The following TTC21B variants were observed in gnomAD, a reference collection of about 807,000 sequenced individuals.
The protein encoded by TTC21B is tetratricopeptide repeat domain 21B.
TTC21B carries 127 observed loss-of-function variants against 175.1 expected under a neutral mutation model. The ratio of observed to expected loss-of-function variants is 0.73; its 90% confidence interval spans 0.63 to 0.84. The LOEUF (loss-of-function observed/expected upper bound fraction) is 0.84, where lower values mean the gene tolerates loss of function less well. Ranked by LOEUF, TTC21B falls within the 40% of genes least tolerant of loss-of-function variation. The probability of loss-of-function intolerance (pLI) is 0.00; values close to 1 mark genes in which losing one functional copy is unlikely to be tolerated. For synonymous variants in TTC21B, 524 were observed against 524.5 expected (o/e 1.00, Z 0.01); for missense variants, 1,561 against 1,558.3 (o/e 1.00, Z -0.03).
intron 25 of TTC21B, among the ~76,000 whole-genome samples, chr2:165,884,254 AG>A (rs1387196668): frequency 6.6e-6 from 1 of 152,242 alleles, no homozygotes; most frequent in East Asian, 1.9e-4. Flanking sequence ...ACAACTATTC[AG>A]ATGCCATATG....
chr2:165,882,063 C>T (rs1438399051), intron 26 of TTC21B, among the ~76,000 whole-genome samples: 1 of 152,134 alleles, frequency 6.6e-6, no homozygotes, highest in Non-Finnish European at 1.5e-5. Context: ...ATCTTGATTA[C>T]TAAGTGTTTC....
Position 165,929,116 on chromosome 2 carries a change from A to C in TTC21B, c.1386+19T>G. ...ATCAAGTAAACGCATCCTTGAAAGT[A>C]AGTCCCATAATTACTTACCTGCATT... On this transcript the variant is annotated intron_variant, in intron 11 of 28. Coordinates refer to ENST00000243344, the MANE Select transcript of TTC21B (RefSeq NM_024753.5). 6.2e-7 allele frequency: 1 copy of C among 1,607,912 alleles called. No individual in the cohort carries two copies. Among genetic ancestry groups the C allele is most frequent in the Non-Finnish European group, 8.5e-7 (1 of 1,174,924 alleles).
At chr2:165,952,571 C>T (rs910930746) in intron 1 of TTC21B, among the ~76,000 whole-genome samples, 1 of 152,050 alleles carries the variant, frequency 6.6e-6, no homozygotes, top group Non-Finnish European at 1.5e-5. Context: ...AATGAGGAGG[C>T]CCATTTTTAC....
chr2:165,953,616 C>G, intron 1 of TTC21B, 69 bp downstream of exon 1: 10 of 1,528,904 alleles, frequency 6.5e-6, no homozygotes, highest in Non-Finnish European at 8.7e-6. Context: ...TCCGCGCCCC[C>G]GGGCCAAAAG....
At position 165,874,599 on chromosome 2, in the gene TTC21B, G is replaced by A; in HGVS notation, c.*156C>T. ...CATTAGGAAACACCAATTTCACATA[G>A]TACTTCTCTTGATGTACAGCAGCAA... is the stretch of plus-strand genomic sequence containing the variant. On this transcript the variant is annotated 3_prime_UTR_variant, in exon 29 of 29. Coordinates refer to ENST00000243344, the MANE Select transcript of TTC21B (RefSeq NM_024753.5). 1.5e-6 allele frequency: 1 copy of A among 663,184 alleles called. No individual in the cohort carries two copies. The highest frequency in any genetic ancestry group is 1.7e-5 in the South Asian group (1 of 57,558). 41.1% of individuals were successfully genotyped at this position (663,184 alleles called of 1,614,324 possible).
chr2:165,908,222 T>C lies in TTC21B; in HGVS notation c.2462-438A>G, dbSNP rs574235975. Among the ~76,000 whole-genome samples, 5 of 152,318 alleles carry C rather than the reference T, an allele frequency of 3.3e-5. No homozygotes were observed. The South Asian group carries it at 1.0e-3, about 32-fold the overall frequency. On this transcript the variant is annotated intron_variant, in intron 18 of 28. Transcript: ENST00000243344. ...GTTGTTAAGAGCACTGACTTTGATG[T>C]TGAATGGTCTGGTTTCAAATCTAGG...
intron 12 of TTC21B, among the ~76,000 whole-genome samples, chr2:165,920,584 A>C (rs1019428808): frequency 6.6e-6 from 1 of 152,120 alleles, no homozygotes; most frequent in Non-Finnish European, 1.5e-5. Context: ...AGAAGGACTA[A>C]GGCGATAATT....
chr2:165,915,351 A>G lies in TTC21B; in HGVS notation c.1988T>C (p.Leu663Pro), dbSNP rs779742779. ...EVRVTIANAD[L>P]ALAQGDIERA... ...TTCAATATCTCCTTGGGCTAGAGCA[A>G]GGTCTGCATTAGCAATGGTAACCCG... Residue 663 changes from leucine to proline, a missense_variant, in exon 15 of 29, where the codon CTT becomes CCT. Transcript: ENST00000243344. 1.2e-6 allele frequency: 2 copies of G among 1,614,124 alleles called. No homozygotes were observed. Among genetic ancestry groups the G allele is most frequent in the Non-Finnish European group, 1.7e-6 (2 of 1,179,986 alleles).
At chr2:165,911,207 A>G in intron 18 of TTC21B, 120 bp downstream of exon 18, 1 of 1,231,972 alleles carries the variant, frequency 8.1e-7, no homozygotes, top group East Asian at 2.5e-5. Flanking sequence ...AAAAATACGC[A>G]TGTATTTATA....
chr2:165,929,873 AAAC>A (rs1686821630), intron 9 of TTC21B, 126 bp from the exon 10 acceptor site: 3 of 741,846 alleles, frequency 4.0e-6, no homozygotes, highest in Non-Finnish European at 7.0e-6. Context: ...TTTAGATTAA[AAAC>A]AACAGAAAGA....
intron 15 of TTC21B, among the ~76,000 whole-genome samples, chr2:165,914,699 T>TGTGTGTGTGTGTGTGTGTGTGTGTGTGTG: frequency 8.2e-5 from 1 of 12,238 alleles, no homozygotes; most frequent in East Asian, 5.1e-3. Flanking sequence ...GTGTGTGTGT[T>TGTGTGTGTGTGTGTGTGTGTGTGTGTGTG]GTGTATCCCA....
intron 11 of TTC21B, chr2:165,928,896 A>T: frequency 2.1e-6 from 1 of 479,616 alleles, no homozygotes; most frequent in Non-Finnish European, 3.8e-6. Flanking sequence ...ATATTTCTTT[A>T]AACTGAAGAT....
rs372217458 is a variant in TTC21B at position 165,927,119 on chromosome 2, G to GATAT, written c.1386+2012_1386+2015dup. Among the ~76,000 whole-genome samples the GATAT allele has an allele frequency of 2.1e-4, 2 of 9,522 alleles. 1 individual carries two copies. The highest frequency in any genetic ancestry group is 1.5e-3 in the African/African-American group (2 of 1,328). The allele number at this position is 9,522 out of a possible 152,430, so 6.2% of individuals were successfully genotyped here. A position where few individuals can be genotyped will look rare whatever the true frequency, so the allele number is the denominator to read the frequency against. On this transcript the variant is annotated intron_variant, in intron 11 of 28. Transcript: ENST00000243344. ...ATATATATATATATATATCCTAGTAGATATATATATATATATATCCTAGTA... is the reference window on the plus strand; with the variant it reads ...ATATATATATATATATATCCTAGTAGATATATATATATATATATATATCCTAGTA...
At chr2:165,928,099 C>A (rs1322768265) in intron 11 of TTC21B, among the ~76,000 whole-genome samples, 3 of 152,144 alleles carry the variant, frequency 2.0e-5, no homozygotes, top group African/African-American at 4.8e-5. Flanking sequence ...TTCAATTATA[C>A]TCAAAACTGT....
rs142022626 is a variant in TTC21B, at chr2:165,898,694, C to T, written c.2942G>A (p.Arg981His). ...AVFHLQQLLE[R>H]KPDNYMTLSR... ...AATAAGTAGGTATTTACCTGGCTTACGTTCTAAAAGCTGCTGTAAATGAAA... is the reference window on the plus strand; with the variant it reads ...AATAAGTAGGTATTTACCTGGCTTATGTTCTAAAAGCTGCTGTAAATGAAA... Residue 981 changes from arginine to histidine, a missense_variant, in exon 22 of 29, where the codon CGT becomes CAT. Physicochemically the swap from Arg to His is conservative, Grantham distance 29 (BLOSUM62 0). Transcript: ENST00000243344. 177 of 1,608,476 alleles carry T rather than the reference C, an allele frequency of 1.1e-4. 2 individuals are homozygous for T. Among genetic ancestry groups the T allele is most frequent in the African/African-American group, 7.6e-4 (57 of 74,922 alleles).
chr2:165,949,266 A>G, intron 3 of TTC21B, 128 bp downstream of exon 3: 1 of 731,044 alleles, frequency 1.4e-6, no homozygotes, highest in Non-Finnish European at 2.4e-6. Flanking sequence ...AGATAAACAT[A>G]TGTATAAATT....
intron 8 of TTC21B, among the ~76,000 whole-genome samples, chr2:165,931,282 C>T (rs112945512): frequency 0.012 from 1,816 of 152,080 alleles, 37 homozygotes; most frequent in African/African-American, 0.041. Flanking sequence ...TGAGATTCTA[C>T]TGTATTTTTC....
intron 1 of TTC21B, among the ~76,000 whole-genome samples, chr2:165,952,798 T>C (rs1278649786): frequency 2.6e-5 from 4 of 152,232 alleles, no homozygotes; most frequent in Non-Finnish European, 5.9e-5. Context: ...AGGATACACA[T>C]TTCATTTACC....
intron 5 of TTC21B, 97 bp from the exon 6 acceptor site, chr2:165,941,281 C>A (rs1687358654): frequency 1.1e-5 from 15 of 1,373,444 alleles, no homozygotes; most frequent in Non-Finnish European, 1.4e-5. Context: ...TTAATACTTA[C>A]TTTTCTGTGA....
Sources: gnomAD v4.1 joint callset for allele counts (sites outside exome capture counted in the v4.1 genomes callset) on GRCh38, gnomAD v4.1.1 for gene constraint, MANE v1.5 for transcripts, NCBI Gene and HGNC (gene_info 2026-07-23, HGNC 2026-07-21) for gene names.